EPHA5: variants seen among roughly 807,000 people sequenced by gnomAD.
EPHA5 encodes the protein EPH receptor A5, also known as ephrin type-A receptor 5.
A neutral mutation model predicts 105.0 loss-of-function variants in EPHA5; 60 were observed. That is an observed-to-expected ratio of 0.57 (90% CI 0.46 to 0.71). The LOEUF (loss-of-function observed/expected upper bound fraction) is 0.71. Among genes scored for constraint, EPHA5 ranks in the 30% least tolerant of loss-of-function variants. The pLI is 0.00. For synonymous variants in EPHA5, 513 were observed against 449.1 expected (o/e 1.14, Z -1.80); for missense variants, 1,218 against 1,274.7 (o/e 0.96, Z 0.68).
intron 5 of EPHA5, among the ~76,000 whole-genome samples, chr4:65,477,251 A>G (rs2149177492): frequency 6.6e-6 from 1 of 152,314 alleles, no homozygotes; most frequent in African/African-American, 2.4e-5. Flanking sequence ...ACAATGATAT[A>G]AGAAAATAGA....
chr4:65,550,950 G>T (rs1737836790), intron 3 of EPHA5, among the ~76,000 whole-genome samples: 1 of 151,692 alleles, frequency 6.6e-6, no homozygotes, highest in Non-Finnish European at 1.5e-5. Context: ...CTAGATTACA[G>T]AACACATTAT....
chr4:65,479,157 A>G (rs374222363), intron 5 of EPHA5, among the ~76,000 whole-genome samples: 88 of 152,264 alleles, frequency 5.8e-4, no homozygotes, highest in African/African-American at 2.0e-3. Flanking sequence ...TTTACACCTT[A>G]CTACATGCCA....
chr4:65,535,151 A>T (rs553703090), intron 3 of EPHA5, among the ~76,000 whole-genome samples: 1 of 152,150 alleles, frequency 6.6e-6, no homozygotes, highest in Non-Finnish European at 1.5e-5. Context: ...TCAAATAATT[A>T]ATTTGTTTTA....
rs563436040 is a variant in EPHA5, at chr4:65,574,369, AAAT to A, written c.910+27269_910+27271del. On this transcript the variant is annotated intron_variant, in intron 3 of 16. Coordinates refer to ENST00000613740, the MANE Select transcript of EPHA5 (RefSeq NM_001281766.3). Reference sequence around the variant, plus strand: ...AATTAAATAGCTGACTACAAAAAAAAAATAATAATAATAAAAAATAAAAAAATA... The same window carrying A: ...AATTAAATAGCTGACTACAAAAAAAAAATAATAATAAAAAATAAAAAAATA... 514 of 902,820 alleles carry A rather than the reference AAAT, an allele frequency of 5.7e-4. 4 individuals carry two copies. In the African/African-American group the frequency reaches 6.6e-3, roughly 12 times the overall value. 55.9% of individuals were successfully genotyped at this position (902,820 alleles called of 1,614,324 possible).
chr4:65,462,329 G>T (rs1250783551), intron 5 of EPHA5, among the ~76,000 whole-genome samples: 1 of 152,066 alleles, frequency 6.6e-6, no homozygotes, highest in African/African-American at 2.4e-5. Flanking sequence ...TCCAAGTATT[G>T]CTAGGCATTT....
Position 65,669,840 on chromosome 4 carries a change from C to G in EPHA5, c.-98G>C. On this transcript the variant is annotated 5_prime_UTR_variant, in exon 1 of 17. Transcript: ENST00000613740. ...AGGGAGACTCGGGAGTCCTCCTTGTCCCCCCTTGGGGTCCTACGCCTTCTG... is the reference window on the plus strand; with the variant it reads ...AGGGAGACTCGGGAGTCCTCCTTGTGCCCCCTTGGGGTCCTACGCCTTCTG... The G allele has an allele frequency of 8.1e-7, 1 of 1,232,658 alleles. No individual in the cohort carries two copies. The highest frequency in any genetic ancestry group is 1.0e-6 in the Non-Finnish European group (1 of 988,658). 76.4% of individuals were successfully genotyped at this position (1,232,658 alleles called of 1,614,324 possible). A position where few individuals can be genotyped will look rare whatever the true frequency, so the allele number is the denominator to read the frequency against.
chr4:65,387,079 G>C (rs1200043617), intron 8 of EPHA5, among the ~76,000 whole-genome samples: 2 of 151,966 alleles, frequency 1.3e-5, no homozygotes, highest in Non-Finnish European at 1.5e-5. Context: ...TTGGAAAATA[G>C]CTAAAGTGGT....
chr4:65,479,404 A>G (rs1338303692), intron 5 of EPHA5, among the ~76,000 whole-genome samples: 2 of 152,216 alleles, frequency 1.3e-5, no homozygotes, highest in African/African-American at 4.8e-5. Flanking sequence ...AGCAAACAGA[A>G]TTTATTCTGT....
At chr4:65,522,918 G>A (rs1316866616) in intron 3 of EPHA5, among the ~76,000 whole-genome samples, 1 of 151,860 alleles carries the variant, frequency 6.6e-6, no homozygotes. Flanking sequence ...CACTGTAAGT[G>A]ATACCATGGG....
At chr4:65,558,327 A>C (rs1007416057) in intron 3 of EPHA5, among the ~76,000 whole-genome samples, 1 of 152,272 alleles carries the variant, frequency 6.6e-6, no homozygotes, top group South Asian at 2.1e-4. Flanking sequence ...AATTTTTCAC[A>C]CTTCATTCAT....
intron 3 of EPHA5, among the ~76,000 whole-genome samples, chr4:65,589,418 C>T (rs1017750444): frequency 1.3e-5 from 2 of 152,074 alleles, no homozygotes; most frequent in Admixed American, 1.3e-4. Flanking sequence ...TCTATTATTA[C>T]TGTTAAAGTT....
At chr4:65,550,744 G>A (rs1379065648) in intron 3 of EPHA5, among the ~76,000 whole-genome samples, 1 of 152,104 alleles carries the variant, frequency 6.6e-6, no homozygotes, top group Non-Finnish European at 1.5e-5. Flanking sequence ...GCTGAGGCAG[G>A]AGAATCCCTT....
At chr4:65,558,443 G>T (rs1738678467) in intron 3 of EPHA5, among the ~76,000 whole-genome samples, 1 of 151,912 alleles carries the variant, frequency 6.6e-6, no homozygotes, top group East Asian at 1.9e-4. Flanking sequence ...CATTTTATTG[G>T]TCTTCATTTG....
intron 5 of EPHA5, 148 bp downstream of exon 5, chr4:65,490,229 A>G (rs1414603846): frequency 3.2e-6 from 2 of 621,262 alleles, no homozygotes; most frequent in Non-Finnish European, 5.3e-6. Flanking sequence ...AAACTGCAAA[A>G]GCGTTTTTGA....
Position 65,324,050 on chromosome 4 carries a change from T to C in EPHA5, c.*64A>G, listed in dbSNP as rs1560409687. On this transcript the variant is annotated 3_prime_UTR_variant, in exon 17 of 17. Coordinates refer to ENST00000613740, the MANE Select transcript of EPHA5 (RefSeq NM_001281766.3). ...CCTTTTCCCCCTTTTTTTGTTAAAATAAATCTCAGTGCTGTTTACAAAGTG... is the reference window on the plus strand; with the variant it reads ...CCTTTTCCCCCTTTTTTTGTTAAAACAAATCTCAGTGCTGTTTACAAAGTG... The C allele has an allele frequency of 4.6e-6, 5 of 1,075,596 alleles. No individual in the cohort carries two copies. Among genetic ancestry groups the C allele is most frequent in the Non-Finnish European group, 7.0e-6 (5 of 714,998 alleles). The allele number at this position is 1,075,596 out of a possible 1,614,324, so 66.6% of individuals were successfully genotyped here. A position where few individuals can be genotyped will look rare whatever the true frequency, so the allele number is the denominator to read the frequency against.
At chr4:65,451,798 T>C (rs1727094357) in intron 5 of EPHA5, among the ~76,000 whole-genome samples, 1 of 152,152 alleles carries the variant, frequency 6.6e-6, no homozygotes, top group Non-Finnish European at 1.5e-5. Context: ...CGAATGATTG[T>C]GTGTTGCCAA....
rs1402413397 is a variant in EPHA5, at chr4:65,597,583, T to G, written c.910+4058A>C. Among the ~76,000 whole-genome samples, 3 of 152,280 alleles carry G rather than the reference T, an allele frequency of 2.0e-5. No homozygotes were observed. In the East Asian group the frequency reaches 5.8e-4, roughly 29 times the overall value. On this transcript the variant is annotated intron_variant, in intron 3 of 16. Transcript: ENST00000613740. ...ATGGATTTGAGACATTATTTATTTC[T>G]GAAAATAAAAAGACTTCCAAGAAAG...
intron 5 of EPHA5, among the ~76,000 whole-genome samples, chr4:65,439,663 A>C (rs1032683292): frequency 3.3e-5 from 5 of 152,166 alleles, no homozygotes; most frequent in African/African-American, 9.7e-5. Context: ...AGGGTATTTT[A>C]ATTTGTCTTC....
chr4:65,525,221 C>A (rs545760842), intron 3 of EPHA5, among the ~76,000 whole-genome samples: 2 of 151,562 alleles, frequency 1.3e-5, no homozygotes, highest in Non-Finnish European at 3.0e-5. Flanking sequence ...AAAGGAGTGG[C>A]ATTTGGCAGG....
Sources: gnomAD v4.1 joint callset for allele counts (sites outside exome capture counted in the v4.1 genomes callset) on GRCh38, gnomAD v4.1.1 for gene constraint, MANE v1.5 for transcripts, NCBI Gene and HGNC (gene_info 2026-07-23, HGNC 2026-07-21) for gene names.